RBMS3: variants seen among roughly 807,000 people sequenced by gnomAD.
RBMS3 encodes RNA-binding motif, single-stranded-interacting protein 3.
A neutral mutation model predicts 66.8 loss-of-function variants in RBMS3; 27 were observed. The ratio of observed to expected loss-of-function variants is 0.40; its 90% CI spans 0.30 to 0.56. The LOEUF (loss-of-function observed/expected upper bound fraction) is 0.56, where lower values mean the gene tolerates loss of function less well. Ranked by LOEUF, RBMS3 falls within the 20% of genes least tolerant of loss-of-function variation. RBMS3 has a pLI of 0.40. For missense variants in RBMS3, 513 were observed against 549.5 expected (o/e 0.93, Z 0.66); for synonymous variants, 188 against 183.0 (o/e 1.03, Z -0.22).
chr3:29,431,112 C>T (rs988149556), intron 1 of RBMS3, among the ~76,000 whole-genome samples: 1 of 151,976 alleles, frequency 6.6e-6, no homozygotes. Context: ...GAAACTTGAG[C>T]TTTCTGTAGA....
chr3:29,967,313 T>A lies in RBMS3; in HGVS notation c.1099-20830T>A, dbSNP rs930450909. Among the ~76,000 whole-genome samples the A allele has an allele frequency of 5.9e-5, 9 of 152,198 alleles. No homozygotes were observed. In the East Asian group the frequency reaches 1.7e-3, roughly 29 times the overall value. On this transcript the variant is annotated intron_variant, in intron 12 of 14. Coordinates refer to ENST00000383767, the MANE Select transcript of RBMS3 (RefSeq NM_001003793.3). Reference sequence around the variant, plus strand: ...CTAGTAGAAATCTTCTATGAATCCGTCTGGTCCTGGATTTGTTTTTGTTTT... The same window carrying A: ...CTAGTAGAAATCTTCTATGAATCCGACTGGTCCTGGATTTGTTTTTGTTTT...
At chr3:29,786,502 G>A (rs114298393) in intron 6 of RBMS3, among the ~76,000 whole-genome samples, 4,142 of 152,208 alleles carry the variant, frequency 0.027, 208 homozygotes, top group African/African-American at 0.094. Flanking sequence ...TAGGCGCATA[G>A]ACCAATGGAA....
At chr3:29,379,530 G>A (rs989682959) in intron 1 of RBMS3, among the ~76,000 whole-genome samples, 8 of 152,114 alleles carry the variant, frequency 5.3e-5, no homozygotes, top group Admixed American at 1.3e-4. Context: ...TGAAAGGCAC[G>A]TCTCACATGG....
At chr3:29,617,263 T>A (rs546875238) in intron 4 of RBMS3, among the ~76,000 whole-genome samples, 1 of 152,316 alleles carries the variant, frequency 6.6e-6, no homozygotes, top group East Asian at 1.9e-4. Context: ...TTCATTTTTG[T>A]GACTTGTAAA....
chr3:29,612,078 T>A (rs535702314), intron 4 of RBMS3, among the ~76,000 whole-genome samples: 9 of 152,028 alleles, frequency 5.9e-5, no homozygotes, highest in Non-Finnish European at 1.3e-4. Flanking sequence ...ATAATATCTA[T>A]GTCATAGGGT....
intron 4 of RBMS3, among the ~76,000 whole-genome samples, chr3:29,690,033 G>T (rs7638769): frequency 0.58 from 87,219 of 150,052 alleles, 25,410 homozygotes; most frequent in African/African-American, 0.63. Flanking sequence ...AAACATTGCT[G>T]AAGGTATTGA....
intron 6 of RBMS3, among the ~76,000 whole-genome samples, chr3:29,823,646 G>A (rs1420537606): frequency 6.6e-6 from 1 of 152,104 alleles, no homozygotes; most frequent in Non-Finnish European, 1.5e-5. Context: ...TGGCTAGTGT[G>A]GCTGAGGAAA....
intron 13 of RBMS3, 151 bp from the exon 14 acceptor site, chr3:29,990,931 T>C (rs1698821502): frequency 6.0e-6 from 4 of 664,864 alleles, no homozygotes; most frequent in Non-Finnish European, 1.0e-5. Context: ...CTAAATGTGC[T>C]CTCTGGGTTT....
rs1029362644 is a variant in RBMS3, at chr3:29,334,540, T to C, written c.75+52784T>C. On this transcript the variant is annotated intron_variant, in intron 1 of 14. Transcript: ENST00000383767. ...TTTGCAGCTGTGAGGCAGCAGATGA[T>C]AAATCAAAAACTAATATTTTCAACT... Among the ~76,000 whole-genome samples, 28 of 152,240 alleles carry C rather than the reference T, an allele frequency of 1.8e-4. 1 individual carries two copies. The highest frequency in any genetic ancestry group is 6.3e-4 in the African/African-American group (26 of 41,566).
At chr3:29,615,882 GACATA>G (rs2149141643) in intron 4 of RBMS3, 1 of 152,238 alleles carries the variant, frequency 6.6e-6, no homozygotes, top group East Asian at 1.9e-4. Flanking sequence ...AATGTTAAGA[GACATA>G]ACATGATGAG....
Position 29,785,957 on chromosome 3 carries a change from A to G in RBMS3, c.637+22968A>G, listed in dbSNP as rs551405579. ...CCTAGAAAACCCTAAAGACTCACCCAAAGAGCTGCTAGAACTGATAAAATA... is the reference window on the plus strand; with the variant it reads ...CCTAGAAAACCCTAAAGACTCACCCGAAGAGCTGCTAGAACTGATAAAATA... On this transcript the variant is annotated intron_variant, in intron 6 of 14. Coordinates refer to ENST00000383767, the MANE Select transcript of RBMS3 (RefSeq NM_001003793.3). 4.6e-5 allele frequency among the ~76,000 whole-genome samples: 7 copies of G among 152,190 alleles called. No individual in the cohort carries two copies. The South Asian group carries it at 1.2e-3, about 27-fold the overall frequency.
chr3:29,541,335 G>C (rs967814234), intron 3 of RBMS3, among the ~76,000 whole-genome samples: 1 of 151,896 alleles, frequency 6.6e-6, no homozygotes, highest in Non-Finnish European at 1.5e-5. Flanking sequence ...TTCCCAAACC[G>C]GCTCTTCTTG....
chr3:29,880,433 T>C (rs937864252), intron 7 of RBMS3, among the ~76,000 whole-genome samples: 1 of 152,176 alleles, frequency 6.6e-6, no homozygotes, highest in African/African-American at 2.4e-5. Context: ...TTTGTAAACA[T>C]GCCATAATAT....
chr3:29,921,591 C>T (rs2060782758), intron 10 of RBMS3, among the ~76,000 whole-genome samples: 1 of 152,054 alleles, frequency 6.6e-6, no homozygotes, highest in African/African-American at 2.4e-5. Context: ...GACAACTGGC[C>T]TTGATCAGAG....
chr3:30,002,812 AT>A lies in RBMS3; in HGVS notation c.1308-1043del, dbSNP rs1358100205. Among the ~76,000 whole-genome samples, 10 of 152,074 alleles carry A rather than the reference AT, an allele frequency of 6.6e-5. No individual in the cohort carries two copies. In the South Asian group the frequency reaches 1.7e-3, roughly 25 times the overall value. ...TTTCCAGGCCATCTCAAGCTAAACAATACACAGTTTAAAACACTGTGAATTG... is the reference window on the plus strand; with the variant it reads ...TTTCCAGGCCATCTCAAGCTAAACAAACACAGTTTAAAACACTGTGAATTG... On this transcript the variant is annotated intron_variant, in intron 14 of 14. Transcript: ENST00000383767.
At chr3:29,921,578 GT>G (rs1325571701) in intron 10 of RBMS3, among the ~76,000 whole-genome samples, 2 of 152,108 alleles carry the variant, frequency 1.3e-5, no homozygotes, top group African/African-American at 4.8e-5. Flanking sequence ...TAACCAGTGA[GT>G]TGACAACTGG....
intron 1 of RBMS3, among the ~76,000 whole-genome samples, chr3:29,323,993 T>C (rs1202825320): frequency 2.6e-4 from 10 of 38,752 alleles, no homozygotes; most frequent in Non-Finnish European, 4.2e-4. Context: ...ATTTGCCCAC[T>C]CTGAAAAAAA....
At chr3:29,796,953 C>T (rs1277011329) in intron 6 of RBMS3, among the ~76,000 whole-genome samples, 1 of 152,056 alleles carries the variant, frequency 6.6e-6, no homozygotes, top group African/African-American at 2.4e-5. Flanking sequence ...ACCTCATGAT[C>T]TGCCCGCCTC....
chr3:29,357,606 T>TTA (rs2037303906), intron 1 of RBMS3, among the ~76,000 whole-genome samples: 1 of 152,162 alleles, frequency 6.6e-6, no homozygotes, highest in Non-Finnish European at 1.5e-5. Flanking sequence ...TAGTTCTAGA[T>TTA]CCCTGAGGAA....
Sources: allele counts gnomAD v4.1 joint callset (sites outside exome capture counted in the v4.1 genomes callset), GRCh38; gene constraint gnomAD v4.1.1; transcripts MANE v1.5; gene names NCBI Gene and HGNC (gene_info 2026-07-23, HGNC 2026-07-21).